RELL1: variants seen among roughly 807,000 people sequenced by gnomAD.
RELL1 encodes the protein RELT-like protein 1.
In RELL1, 10 loss-of-function variants were observed where a neutral mutation model predicts 23.0. That is an observed-to-expected ratio of 0.43 (90% confidence interval 0.27 to 0.74). The LOEUF is 0.74. Among genes scored for constraint, RELL1 ranks in the 30% least tolerant of loss-of-function variants. The probability of loss-of-function intolerance (pLI) is 0.19; values close to 1 mark genes in which losing one functional copy is unlikely to be tolerated. For missense variants in RELL1, 315 were observed against 364.4 expected (o/e 0.86, Z 1.10); for synonymous variants, 146 against 146.8 (o/e 0.99, Z 0.04).
chr4:37,602,403 G>T lies in RELL1; in HGVS notation c.*4-11186C>A, dbSNP rs1719039312. 2.2e-5 allele frequency among the ~76,000 whole-genome samples: 3 copies of T among 134,772 alleles called. No individual in the cohort carries two copies. The South Asian group carries it at 7.2e-4, about 32-fold the overall frequency. The allele number at this position is 134,772 out of a possible 152,430, so 88.4% of individuals were successfully genotyped here. On this transcript the variant is annotated intron_variant, in intron 6 of 6. Coordinates refer to the RELL1 transcript ENST00000314117. ...TCCAGCCCATTTGCTGGAGAAAATG[G>T]TTTATTGCTCTGGCGGCTAATGCTG...
At chr4:37,618,359 A>G (rs1423310056) in intron 6 of RELL1, among the ~76,000 whole-genome samples, 1 of 152,022 alleles carries the variant, frequency 6.6e-6, no homozygotes, top group African/African-American at 2.4e-5. Context: ...AGCTGGGACT[A>G]CAGGTGCATG....
intron 6 of RELL1, among the ~76,000 whole-genome samples, chr4:37,594,871 TCTC>T (rs1384368827): frequency 2.6e-5 from 4 of 152,128 alleles, no homozygotes; most frequent in African/African-American, 9.7e-5. Context: ...AGTGCAAAGA[TCTC>T]CTGACTTCCC....
At chr4:37,618,417 T>G (rs1719648119) in intron 6 of RELL1, among the ~76,000 whole-genome samples, 1 of 152,104 alleles carries the variant, frequency 6.6e-6, no homozygotes, top group Admixed American at 6.5e-5. Context: ...ATTTATTTTT[T>G]TAAGTAGAGA....
downstream of RELL1, chr4:37,590,030 T>C (rs920251802): frequency 2.5e-6 from 3 of 1,215,348 alleles, no homozygotes; most frequent in African/African-American, 1.5e-5. Flanking sequence ...GCAGGGCCTG[T>C]GGTAAAAAGC....
intron 6 of RELL1, among the ~76,000 whole-genome samples, chr4:37,596,537 T>A (rs745712533): frequency 2.6e-5 from 4 of 151,450 alleles, no homozygotes; most frequent in Non-Finnish European, 5.9e-5. Context: ...TCTTCTAATA[T>A]GTTATATGGT....
chr4:37,591,187 AC>A (rs1718593007), exon 7 of RELL1: 4 of 568,846 alleles, frequency 7.0e-6, no homozygotes, highest in Non-Finnish European at 1.2e-5. Context: ...CTGGAGTTTC[AC>A]TCTGTGTAGA....
Position 37,622,348 on chromosome 4 carries a change from G to T in RELL1, c.*4-9006C>A, listed in dbSNP as rs552741081. Among the ~76,000 whole-genome samples the T allele has an allele frequency of 1.4e-4, 22 of 152,328 alleles. No individual in the cohort carries two copies. In the South Asian group the frequency reaches 4.6e-3, roughly 32 times the overall value. On this transcript the variant is annotated intron_variant, in intron 6 of 6. Coordinates refer to ENST00000454158, the MANE Select transcript of RELL1 (RefSeq NM_001085400.2). ...GACATAGTGAACACTGATCACACTG[G>T]TGTCCTCTTGAGAAAAGGTTTAAGA...
downstream of RELL1, among the ~76,000 whole-genome samples, chr4:37,608,477 C>A (rs908214977): frequency 7.9e-5 from 12 of 152,060 alleles, no homozygotes; most frequent in African/African-American, 2.9e-4. Context: ...ATAAAAAAAT[C>A]AAACCAGCCA....
intron 1 of RELL1, among the ~76,000 whole-genome samples, chr4:37,681,854 A>AGG (rs1346354592): frequency 6.6e-6 from 1 of 152,196 alleles, no homozygotes; most frequent in Non-Finnish European, 1.5e-5. Context: ...TTCAAGTCCA[A>AGG]GGCCCTGACT....
intron 1 of RELL1, among the ~76,000 whole-genome samples, chr4:37,659,805 A>C (rs371306225): frequency 2.3e-4 from 35 of 151,916 alleles, no homozygotes; most frequent in South Asian, 4.2e-4. Flanking sequence ...GGCCAAATCC[A>C]AACAGCTCTC....
rs1323276685 is a variant in RELL1, at chr4:37,668,221, CCCCTCT to C, written c.88+17973_88+17978del. ...AAGGAACCCCCTCCCCCTCCCCCTC[CCCCTCT>C]CCCTCTCCCCTCTTTCCACGGTCTC... is the stretch of plus-strand genomic sequence containing the variant. On this transcript the variant is annotated intron_variant, in intron 1 of 6. Coordinates refer to ENST00000454158, the MANE Select transcript of RELL1 (RefSeq NM_001085400.2). Among the ~76,000 whole-genome samples the C allele has an allele frequency of 5.3e-5, 8 of 149,650 alleles. No individual in the cohort carries two copies. In the South Asian group the frequency reaches 8.7e-4, roughly 16 times the overall value.
At chr4:37,592,648 CA>C in intron 6 of RELL1, among the ~76,000 whole-genome samples, 1 of 152,296 alleles carries the variant, frequency 6.6e-6, no homozygotes, top group East Asian at 1.9e-4. Context: ...TGTTTTGTAA[CA>C]CAGAATTGAA....
At position 37,611,380 on chromosome 4, in the gene RELL1, G is replaced by GTGTT. The variant is rs1719370865; in HGVS notation, c.*1962_*1965dup. Among the ~76,000 whole-genome samples the GTGTT allele has an allele frequency of 6.7e-6, 1 of 150,136 alleles. No homozygotes were observed. Among genetic ancestry groups the GTGTT allele is most frequent in the South Asian group, 2.1e-4 (1 of 4,826 alleles). Reference sequence around the variant, plus strand: ...GTGTATATGAATATGTACACATACAGTGTTTATTAGTTGTCAGTAAAAATT... The same window carrying GTGTT: ...GTGTATATGAATATGTACACATACAGTGTTTGTTTATTAGTTGTCAGTAAAAATT... On this transcript the variant is annotated 3_prime_UTR_variant, in exon 7 of 7. Transcript: ENST00000454158.
chr4:37,602,881 C>T (rs374715427), intron 6 of RELL1, among the ~76,000 whole-genome samples: 24 of 152,106 alleles, frequency 1.6e-4, no homozygotes, highest in South Asian at 1.2e-3. Flanking sequence ...AAAGCGGAAC[C>T]GAATCATTCT....
At chr4:37,647,798 GATTTT>G (rs1720761090) in intron 2 of RELL1, among the ~76,000 whole-genome samples, 1 of 152,066 alleles carries the variant, frequency 6.6e-6, no homozygotes. Context: ...ATTCTCCTTG[GATTTT>G]ATTTTAATTG....
At chr4:37,683,608 A>C (rs1364548930) in intron 1 of RELL1, among the ~76,000 whole-genome samples, 3 of 152,018 alleles carry the variant, frequency 2.0e-5, no homozygotes, top group Non-Finnish European at 4.4e-5. Flanking sequence ...AAATACAAAA[A>C]TTTGCCAGGC....
intron 1 of RELL1, among the ~76,000 whole-genome samples, chr4:37,669,333 G>A: frequency 6.8e-6 from 1 of 148,116 alleles, no homozygotes; most frequent in Non-Finnish European, 1.5e-5. Flanking sequence ...CCTCTGCCTG[G>A]CCAGCCGCTC....
At chr4:37,633,408 CAAAAAAAAAAAAAAAAAA>C (rs57256942) in intron 5 of RELL1, among the ~76,000 whole-genome samples, 57 of 63,016 alleles carry the variant, frequency 9.0e-4, no homozygotes, top group African/African-American at 2.3e-3. Context: ...GACTCCACCT[CAAAAAAAAAAAAAAAAAA>C]AAAAAAAAAA....
At chr4:37,675,379 A>G (rs1370264487) in intron 1 of RELL1, among the ~76,000 whole-genome samples, 1 of 152,214 alleles carries the variant, frequency 6.6e-6, no homozygotes, top group Non-Finnish European at 1.5e-5. Context: ...TGAGCAAGAA[A>G]TTCCCCTTCT....
Sources: gnomAD v4.1 joint callset for allele counts (sites outside exome capture counted in the v4.1 genomes callset) on GRCh38, gnomAD v4.1.1 for gene constraint, MANE v1.5 for transcripts, NCBI Gene and HGNC (gene_info 2026-07-23, HGNC 2026-07-21) for gene names.